C1QTNF3: variants seen among roughly 807,000 people sequenced by gnomAD.
C1QTNF3 encodes the protein complement C1q tumor necrosis factor-related protein 3.
A neutral mutation model predicts 32.6 loss-of-function variants in C1QTNF3; 26 were observed. The observed-to-expected ratio is 0.80, with a 90% CI of 0.58 to 1.11. The LOEUF is 1.11. C1QTNF3 is among the 50% of genes least tolerant of loss of function. C1QTNF3 has a pLI of 0.00. For synonymous variants in C1QTNF3, 155 were observed against 146.0 expected (o/e 1.06, Z -0.44); for missense variants, 362 against 398.2 (o/e 0.91, Z 0.77).
the C1QTNF3 span, among the ~76,000 whole-genome samples, chr5:34,174,642 T>C: frequency 6.6e-6 from 1 of 151,948 alleles, no homozygotes; most frequent in African/African-American, 2.4e-5. Flanking sequence ...CCATCCTGAG[T>C]TTATGGAAAG....
chr5:34,240,802 G>T, the C1QTNF3 span, among the ~76,000 whole-genome samples: 9 of 152,060 alleles, frequency 5.9e-5, no homozygotes, highest in African/African-American at 2.2e-4. Context: ...CCAAAACCTG[G>T]CAGAGACGCA....
chr5:34,064,631 C>T, the C1QTNF3 span, among the ~76,000 whole-genome samples: 2 of 152,120 alleles, frequency 1.3e-5, no homozygotes, highest in African/African-American at 2.4e-5. Flanking sequence ...GACACACTGC[C>T]GGATCTGGAG....
the C1QTNF3 span, among the ~76,000 whole-genome samples, chr5:34,107,973 T>C: frequency 7.9e-5 from 12 of 152,044 alleles, no homozygotes; most frequent in Non-Finnish European, 1.3e-4. Context: ...CATTTGCTTC[T>C]GCTGTTCTTC....
chr5:34,195,332 A>G, the C1QTNF3 span, among the ~76,000 whole-genome samples: 6 of 131,792 alleles, frequency 4.6e-5, no homozygotes, highest in African/African-American at 1.9e-4. Context: ...TCTGAAATAA[A>G]AAATATATTT....
chr5:34,139,850 A>G, the C1QTNF3 span, among the ~76,000 whole-genome samples: 1 of 152,248 alleles, frequency 6.6e-6, no homozygotes, highest in Non-Finnish European at 1.5e-5. Context: ...GAATATGTTT[A>G]TCTGAAGTAC....
chr5:34,033,119 C>T (rs1394841497), intron 3 of C1QTNF3, 185 bp downstream of exon 3: 2 of 596,110 alleles, frequency 3.4e-6, no homozygotes, highest in Non-Finnish European at 5.7e-6. Context: ...AGAATAGTAT[C>T]TAAGTCCTCC....
At chr5:34,215,190 C>T in the C1QTNF3 span, among the ~76,000 whole-genome samples, 2 of 152,126 alleles carry the variant, frequency 1.3e-5, no homozygotes, top group Non-Finnish European at 2.9e-5. Context: ...CAACCTTCAA[C>T]ATTACTTCAC....
At chr5:34,032,732 G>A (rs1223404737) in intron 3 of C1QTNF3, among the ~76,000 whole-genome samples, 2 of 152,166 alleles carry the variant, frequency 1.3e-5, no homozygotes, top group South Asian at 2.1e-4. Context: ...CGAGGAAGAG[G>A]TTGCAGTGAG....
intron 4 of C1QTNF3, 64 bp downstream of exon 4, chr5:34,028,690 C>A: frequency 7.2e-7 from 1 of 1,392,484 alleles, no homozygotes; most frequent in East Asian, 2.5e-5. Context: ...TCTTTCCTTC[C>A]TTCCTTAATT....
the C1QTNF3 span, among the ~76,000 whole-genome samples, chr5:34,141,874 C>A: frequency 6.6e-6 from 1 of 152,028 alleles, no homozygotes; most frequent in Admixed American, 6.5e-5. Flanking sequence ...CACCCAGAAG[C>A]CAACCCAAGG....
In C1QTNF3 at chr5:34,020,561, T is replaced by C. The variant is rs369964354; in HGVS notation, c.*22A>G. 65 of 1,605,904 alleles carry C rather than the reference T, an allele frequency of 4.0e-5. No individual in the cohort carries two copies. The highest frequency in any genetic ancestry group is 5.5e-5 in the Non-Finnish European group (64 of 1,173,748). ...GCTCAGCTACAAGTCTTCCCCAAAG[T>C]GGAGCTATTCTAGTCATATATTTAC... is the stretch of plus-strand genomic sequence containing the variant. On this transcript the variant is annotated 3_prime_UTR_variant, in exon 6 of 6. Transcript: ENST00000382065.
Position 34,042,975 on chromosome 5 carries a change from C to T in C1QTNF3, c.151G>A (p.Gly51Ser), listed in dbSNP as rs200960868. ...VQSHQQTGRS[G>S]SRREKVRERS... is the part of the protein sequence containing the mutation. ...TCTCTCACTTTCTCCCTCCTGGAGC[C>T]GCTACGGCCAGTCTGCTGGTGGCTT... Residue 51 changes from glycine to serine, a missense_variant, in exon 1 of 6, where the codon GGC (glycine) becomes AGC (serine). Transcript: ENST00000382065. 2.8e-5 allele frequency: 46 copies of T among 1,614,206 alleles called. 1 individual carries two copies. The highest frequency in any genetic ancestry group is 2.5e-4 in the East Asian group (11 of 44,874).
At chr5:34,129,011 G>A in the C1QTNF3 span, among the ~76,000 whole-genome samples, 1 of 152,044 alleles carries the variant, frequency 6.6e-6, no homozygotes, top group African/African-American at 2.4e-5. Flanking sequence ...CTAACATGTT[G>A]GGGGAGGGGC....
chr5:34,164,092 A>G, the C1QTNF3 span, among the ~76,000 whole-genome samples: 1 of 152,190 alleles, frequency 6.6e-6, no homozygotes, highest in Non-Finnish European at 1.5e-5. Context: ...TGAAAAAAAT[A>G]GCCTATTCAA....
the C1QTNF3 span, among the ~76,000 whole-genome samples, chr5:34,240,369 C>T: frequency 6.6e-6 from 1 of 151,366 alleles, no homozygotes; most frequent in Admixed American, 6.6e-5. Context: ...GATTGATAGA[C>T]CTTTAGCTAG....
the C1QTNF3 span, among the ~76,000 whole-genome samples, chr5:34,199,463 A>C: frequency 6.7e-6 from 1 of 150,198 alleles, no homozygotes. Context: ...AATGAGACAG[A>C]TATAACCAGT....
chr5:34,215,697 T>G, the C1QTNF3 span, among the ~76,000 whole-genome samples: 1 of 152,116 alleles, frequency 6.6e-6, no homozygotes. Context: ...AAGGCTGGAG[T>G]GCAGTGGCAT....
At chr5:34,170,175 C>T in the C1QTNF3 span, among the ~76,000 whole-genome samples, 1 of 152,016 alleles carries the variant, frequency 6.6e-6, no homozygotes, top group African/African-American at 2.4e-5. Flanking sequence ...GTGAAATAAG[C>T]CAGTCACAAG....
Position 34,019,508 on chromosome 5 carries a change from T to A in C1QTNF3, c.*1075A>T, listed in dbSNP as rs1374313142. On this transcript the variant is annotated 3_prime_UTR_variant, in exon 6 of 6. Coordinates refer to ENST00000382065, the MANE Select transcript of C1QTNF3 (RefSeq NM_181435.6). ...CTCTAAACATCAATGTCTTAAAGGG[T>A]TGACATTATAACAATGGAATAACTG... 6.6e-6 allele frequency: 1 copy of A among 152,188 alleles called. No individual in the cohort carries two copies. The highest frequency in any genetic ancestry group is 1.5e-5 in the Non-Finnish European group (1 of 68,024). The allele number at this position is 152,188 out of a possible 1,614,324, so 9.4% of individuals were successfully genotyped here.
Sources: allele counts gnomAD v4.1 joint callset (sites outside exome capture counted in the v4.1 genomes callset), GRCh38; gene constraint gnomAD v4.1.1; transcripts MANE v1.5; gene names NCBI Gene and HGNC (gene_info 2026-07-23, HGNC 2026-07-21).